ANKRD33B: variants seen among roughly 807,000 people sequenced by gnomAD.
The protein encoded by ANKRD33B is ankyrin repeat domain 33B.
Under a neutral mutation model 21.5 loss-of-function variants are expected in ANKRD33B, and 6 were observed. That is an observed-to-expected ratio of 0.28 (90% CI 0.15 to 0.55). The LOEUF (loss-of-function observed/expected upper bound fraction) is 0.55. Among genes scored for constraint, ANKRD33B ranks in the 20% least tolerant of loss-of-function variants. The pLI is 0.94. For synonymous variants in ANKRD33B, 347 were observed against 342.4 expected (o/e 1.01, Z -0.15); for missense variants, 698 against 747.2 (o/e 0.93, Z 0.77).
At chr5:10,636,000 G>A (rs1204497193) in intron 2 of ANKRD33B, among the ~76,000 whole-genome samples, 1 of 152,230 alleles carries the variant, frequency 6.6e-6, no homozygotes, top group Non-Finnish European at 1.5e-5. Flanking sequence ...GCTGGGCTGG[G>A]GAGGCACCTC....
At chr5:10,568,104 G>A (rs1198084065) in intron 1 of ANKRD33B, among the ~76,000 whole-genome samples, 2 of 152,208 alleles carry the variant, frequency 1.3e-5, no homozygotes, top group South Asian at 2.1e-4. Flanking sequence ...ATTCTCTCCT[G>A]CCTCCTGAGA....
chr5:10,601,223 G>C (rs1735922063), intron 1 of ANKRD33B, among the ~76,000 whole-genome samples: 1 of 152,222 alleles, frequency 6.6e-6, no homozygotes, highest in Non-Finnish European at 1.5e-5. Context: ...CTGAGAGCCA[G>C]ATAGTTAGCA....
rs1335171936 is a variant in ANKRD33B, at chr5:10,657,486, G to A, written c.*7373G>A. Reference sequence around the variant, plus strand: ...GGTTTCTGGATATTGTAAAGATACTGAGTACAGATATAACTGTGTAAATTT... The same window carrying A: ...GGTTTCTGGATATTGTAAAGATACTAAGTACAGATATAACTGTGTAAATTT... On this transcript the variant is annotated 3_prime_UTR_variant, in exon 4 of 4. Transcript: ENST00000296657. The A allele has an allele frequency of 6.6e-6, 1 of 152,150 alleles. No individual in the cohort carries two copies. Among genetic ancestry groups the A allele is most frequent in the Non-Finnish European group, 1.5e-5 (1 of 68,038 alleles). 9.4% of individuals were successfully genotyped at this position (152,150 alleles called of 1,614,324 possible).
intron 3 of ANKRD33B, among the ~76,000 whole-genome samples, chr5:10,642,860 TTTTG>T (rs1466760954): frequency 6.6e-6 from 1 of 152,118 alleles, no homozygotes; most frequent in African/African-American, 2.4e-5. Context: ...ACCTCAGGGT[TTTTG>T]TTTTTTGCTT....
intron 1 of ANKRD33B, among the ~76,000 whole-genome samples, chr5:10,569,190 C>G (rs1020476061): frequency 1.3e-5 from 2 of 152,182 alleles, no homozygotes; most frequent in Non-Finnish European, 2.9e-5. Flanking sequence ...AACGGGCTGA[C>G]TAGCATAGAA....
At chr5:10,601,148 T>A (rs1419652302) in intron 1 of ANKRD33B, among the ~76,000 whole-genome samples, 1 of 152,054 alleles carries the variant, frequency 6.6e-6, no homozygotes, top group East Asian at 1.9e-4. Context: ...GGGCATATAT[T>A]TAAAGAATAT....
At chr5:10,599,764 C>T (rs1205609811) in intron 1 of ANKRD33B, among the ~76,000 whole-genome samples, 1 of 152,144 alleles carries the variant, frequency 6.6e-6, no homozygotes, top group African/African-American at 2.4e-5. Flanking sequence ...TCCATGTTTT[C>T]ACTACTGTGA....
intron 2 of ANKRD33B, among the ~76,000 whole-genome samples, chr5:10,622,190 A>G (rs906425044): frequency 6.6e-6 from 1 of 152,246 alleles, no homozygotes; most frequent in Admixed American, 6.5e-5. Context: ...CTAACCTTGT[A>G]GAGTTGTGGA....
intron 2 of ANKRD33B, among the ~76,000 whole-genome samples, chr5:10,622,565 A>G (rs1401841939): frequency 6.6e-6 from 1 of 152,232 alleles, no homozygotes; most frequent in Non-Finnish European, 1.5e-5. Context: ...TCACTGAGTC[A>G]GTGACCTATT....
intron 1 of ANKRD33B, among the ~76,000 whole-genome samples, chr5:10,607,145 T>G (rs1441373404): frequency 6.6e-6 from 1 of 152,212 alleles, no homozygotes; most frequent in Non-Finnish European, 1.5e-5. Context: ...GAATAGATGA[T>G]GTATGCTACT....
At position 10,648,979 on chromosome 5, in the gene ANKRD33B, TGG is replaced by T. The variant is rs992267381; in HGVS notation, c.638-285_638-284del. Among the ~76,000 whole-genome samples the T allele has an allele frequency of 4.9e-4, 73 of 150,110 alleles. 1 individual carries two copies. The highest frequency in any genetic ancestry group is 1.8e-4 in the Non-Finnish European group (12 of 67,552). On this transcript the variant is annotated intron_variant, in intron 3 of 3. Coordinates refer to ENST00000296657, the MANE Select transcript of ANKRD33B (RefSeq NM_001164440.2). ...GGCCCCATCTCTACAGAAAATTACC[TGG>T]GCGGTGGTGTAGCCCCAGCTACTCG...
At chr5:10,615,246 AAGAGCAGGTTAGCAT>A (rs1736257959) in intron 1 of ANKRD33B, among the ~76,000 whole-genome samples, 1 of 152,220 alleles carries the variant, frequency 6.6e-6, no homozygotes, top group Non-Finnish European at 1.5e-5. Flanking sequence ...GACCTTCCTG[AAGAGCAGGTTAGCAT>A]ATTCCAAGCT....
chr5:10,649,456 C>G lies in ANKRD33B; in HGVS notation c.828C>G (p.Ser276=). The G allele has an allele frequency of 6.5e-7, 1 of 1,535,166 alleles. No homozygotes were observed. Among genetic ancestry groups the G allele is most frequent in the Non-Finnish European group, 8.7e-7 (1 of 1,146,374 alleles). ...AAGCGGCGCGGAAGCCCGCGGGCTC[C>G]AAGAACTGCCTGCAGAGGCTCACAG... ...PPEAARKPAG[S]KNCLQRLTDC... The change falls in exon 4 of 4, where the codon TCC becomes TCG. Residue 276 remains serine, a synonymous_variant. Coordinates refer to ENST00000296657, the MANE Select transcript of ANKRD33B (RefSeq NM_001164440.2).
chr5:10,627,259 T>C (rs956466001), intron 2 of ANKRD33B: 3 of 152,132 alleles, frequency 2.0e-5, no homozygotes, highest in Non-Finnish European at 2.9e-5. Flanking sequence ...AGAAGTCCCA[T>C]GGATAGAGTT....
intron 1 of ANKRD33B, among the ~76,000 whole-genome samples, chr5:10,603,969 A>G (rs1291122294): frequency 6.7e-6 from 1 of 149,450 alleles, no homozygotes; most frequent in Non-Finnish European, 1.5e-5. Flanking sequence ...ATCTCGGCTC[A>G]CTATAACCTC....
At chr5:10,616,503 G>A (rs529878530) in intron 1 of ANKRD33B, among the ~76,000 whole-genome samples, 3 of 147,158 alleles carry the variant, frequency 2.0e-5, no homozygotes, top group Non-Finnish European at 4.4e-5. Flanking sequence ...GGTGGAGGTT[G>A]CAATGAGCTG....
chr5:10,565,667 C>T lies in ANKRD33B; in HGVS notation c.366+834C>T, dbSNP rs376745815. Among the ~76,000 whole-genome samples, 3 of 152,336 alleles carry T rather than the reference C, an allele frequency of 2.0e-5. No individual in the cohort carries two copies. In the East Asian group the frequency reaches 5.8e-4, roughly 29 times the overall value. On this transcript the variant is annotated intron_variant, in intron 1 of 3. Coordinates refer to ENST00000296657, the MANE Select transcript of ANKRD33B (RefSeq NM_001164440.2). ...AAGAAAGGAAAAGAAAAAAAGTTGG[C>T]TTAAGAAGACCTGAGAAGGACTGGC...
chr5:10,580,498 C>G (rs937427067), intron 1 of ANKRD33B, among the ~76,000 whole-genome samples: 4 of 149,668 alleles, frequency 2.7e-5, no homozygotes, highest in African/African-American at 9.9e-5. Context: ...TTTCTTGTCC[C>G]CCACCCCCAG....
At chr5:10,613,725 C>G (rs896005659) in intron 1 of ANKRD33B, among the ~76,000 whole-genome samples, 1 of 151,742 alleles carries the variant, frequency 6.6e-6, no homozygotes, top group Non-Finnish European at 1.5e-5. Context: ...ATGGTGAAAC[C>G]TCCATCTCTA....
Sources: gnomAD v4.1 joint callset for allele counts (sites outside exome capture counted in the v4.1 genomes callset) on GRCh38, gnomAD v4.1.1 for gene constraint, MANE v1.5 for transcripts, NCBI Gene and HGNC (gene_info 2026-07-23, HGNC 2026-07-21) for gene names.